The following HSF2BP variants were observed in gnomAD, a reference collection of about 807,000 sequenced individuals.
HSF2BP encodes the protein heat shock transcription factor 2 binding protein.
HSF2BP carries 35 observed loss-of-function variants against 35.0 expected under a neutral mutation model. The ratio of observed to expected loss-of-function variants is 1.00; its 90% CI spans 0.76 to 1.32. The LOEUF is 1.32. Among genes scored for constraint, HSF2BP ranks in the 40% most tolerant of loss-of-function variants. HSF2BP has a pLI of 0.00. For synonymous variants in HSF2BP, 114 were observed against 117.4 expected, an observed-to-expected ratio of 0.97 and a Z score of 0.18; for missense variants, 326 against 321.7, an observed-to-expected ratio of 1.01 and a Z score of -0.10.
chr21:43,636,187 T>A, intron 4 of HSF2BP, among the ~76,000 whole-genome samples: 1 of 113,902 alleles, frequency 8.8e-6, no homozygotes, highest in African/African-American at 3.4e-5. Flanking sequence ...AGACACCATC[T>A]CAAGAAAGAA....
intron 7 of HSF2BP, among the ~76,000 whole-genome samples, chr21:43,594,673 A>C (rs2081963963): frequency 6.6e-6 from 1 of 152,080 alleles, no homozygotes; most frequent in Admixed American, 6.5e-5. Flanking sequence ...AGGAACGAAA[A>C]GAGAAGAAGG....
At chr21:43,611,393 C>T (rs1194797137) in intron 7 of HSF2BP, among the ~76,000 whole-genome samples, 4 of 152,194 alleles carry the variant, frequency 2.6e-5, no homozygotes, top group Admixed American at 2.6e-4. Context: ...CTCGCTTCCA[C>T]TGAATGCAGC....
chr21:43,642,102 A>C (rs1272139111), intron 4 of HSF2BP, among the ~76,000 whole-genome samples: 1 of 152,106 alleles, frequency 6.6e-6, no homozygotes, highest in Non-Finnish European at 1.5e-5. Flanking sequence ...TTGAAGACCA[A>C]CTTGGGCAAC....
rs539891971 is a variant in HSF2BP at position 43,619,089 on chromosome 21, A to G, written c.575-5142T>C. Among the ~76,000 whole-genome samples, 684 of 152,274 alleles carry G rather than the reference A, an allele frequency of 4.5e-3. 4 individuals are homozygous for G. The highest frequency in any genetic ancestry group is 6.7e-3 in the Non-Finnish European group (453 of 68,020). On this transcript the variant is annotated intron_variant, in intron 6 of 8. Transcript: ENST00000291560. ...CAACCTCCTGAGTAGCTGGGACTACAGGCCTGCACCGCCACACCCAGCTAA... is the reference window on the plus strand; with the variant it reads ...CAACCTCCTGAGTAGCTGGGACTACGGGCCTGCACCGCCACACCCAGCTAA...
At position 43,653,562 on chromosome 21, in the gene HSF2BP, A is replaced by G. The variant is rs180887736; in HGVS notation, c.187+3025T>C. Reference sequence around the variant, plus strand: ...CTGAGCCGGGGCTGTGCCCAATAATATAAAGCCTTTTAAGCCGTAGTATGG... The same window carrying G: ...CTGAGCCGGGGCTGTGCCCAATAATGTAAAGCCTTTTAAGCCGTAGTATGG... On this transcript the variant is annotated intron_variant, in intron 3 of 8. Coordinates refer to ENST00000291560, the MANE Select transcript of HSF2BP (RefSeq NM_007031.2). Among the ~76,000 whole-genome samples the G allele has an allele frequency of 2.7e-3, 412 of 152,380 alleles. 3 individuals are homozygous for G. The highest frequency in any genetic ancestry group is 3.3e-3 in the Non-Finnish European group (222 of 68,036).
chr21:43,574,250 GC>G (rs1464613042), intron 8 of HSF2BP, among the ~76,000 whole-genome samples: 11 of 152,318 alleles, frequency 7.2e-5, no homozygotes, highest in African/African-American at 2.6e-4. Flanking sequence ...TCAGTCAGTT[GC>G]CATGCACTGG....
chr21:43,650,246 G>A (rs774864594), intron 3 of HSF2BP, among the ~76,000 whole-genome samples: 12 of 151,728 alleles, frequency 7.9e-5, no homozygotes, highest in South Asian at 4.2e-4. Flanking sequence ...TCGCTCTGTC[G>A]CCCGGGCTGG....
chr21:43,467,846 T>C, the HSF2BP span, among the ~76,000 whole-genome samples: 542 of 22,476 alleles, frequency 0.024, no homozygotes, highest in Non-Finnish European at 0.029. Flanking sequence ...ACACACCACA[T>C]ACACACCACA....
At chr21:43,636,013 C>T (rs1388558766) in intron 4 of HSF2BP, among the ~76,000 whole-genome samples, 2 of 144,930 alleles carry the variant, frequency 1.4e-5, no homozygotes, top group African/African-American at 2.6e-5. Context: ...GGATCGAGAC[C>T]ATCCTGGGCA....
At chr21:43,581,822 C>CGGGAGATGAGGACCTGCTGA (rs2081737314) in intron 8 of HSF2BP, among the ~76,000 whole-genome samples, 2 of 133,200 alleles carry the variant, frequency 1.5e-5, no homozygotes, top group African/African-American at 5.7e-5. Context: ...GTCTGTGCTG[C>CGGGAGATGAGGACCTGCTGA]GGGAGATGAG....
At chr21:43,599,721 G>A (rs1178329138) in intron 7 of HSF2BP, among the ~76,000 whole-genome samples, 1 of 152,038 alleles carries the variant, frequency 6.6e-6, no homozygotes, top group South Asian at 2.1e-4. Flanking sequence ...TTGAACCCGG[G>A]AGGCAGAGGT....
intron 8 of HSF2BP, among the ~76,000 whole-genome samples, chr21:43,586,977 T>C (rs2081859249): frequency 1.3e-5 from 2 of 152,134 alleles, no homozygotes; most frequent in Non-Finnish European, 2.9e-5. Context: ...ATAAACTAGA[T>C]CTACCTAAAA....
intron 7 of HSF2BP, among the ~76,000 whole-genome samples, chr21:43,604,377 CCA>C (rs1330940058): frequency 1.2e-4 from 16 of 139,004 alleles, no homozygotes; most frequent in East Asian, 2.2e-4. Context: ...AGCACGCACA[CCA>C]CACACACACC....
At chr21:43,592,039 G>A (rs946891555) in intron 8 of HSF2BP, among the ~76,000 whole-genome samples, 186 bp downstream of exon 8, 11 of 152,124 alleles carry the variant, frequency 7.2e-5, no homozygotes, top group Non-Finnish European at 1.5e-4. Flanking sequence ...TAACCTCTAT[G>A]CCTAATTATA....
At chr21:43,571,759 C>G (rs1210196998) in intron 8 of HSF2BP, among the ~76,000 whole-genome samples, 1 of 118,594 alleles carries the variant, frequency 8.4e-6, no homozygotes, top group Non-Finnish European at 1.7e-5. Flanking sequence ...CCCAACAAGG[C>G]AATGTGAGGA....
chr21:43,581,632 A>G (rs925578764), intron 8 of HSF2BP, among the ~76,000 whole-genome samples: 1 of 152,176 alleles, frequency 6.6e-6, no homozygotes, highest in Non-Finnish European at 1.5e-5. Flanking sequence ...AGTCACATCC[A>G]ATAGTTTCAC....
chr21:43,572,925 C>A (rs2081594470), intron 8 of HSF2BP, among the ~76,000 whole-genome samples: 1 of 152,168 alleles, frequency 6.6e-6, no homozygotes, highest in Admixed American at 6.5e-5. Flanking sequence ...TAAACAATGA[C>A]AAAACACACT....
intron 4 of HSF2BP, among the ~76,000 whole-genome samples, chr21:43,633,635 A>G (rs2147025739): frequency 6.6e-6 from 1 of 152,372 alleles, no homozygotes; most frequent in African/African-American, 2.4e-5. Context: ...TGAGGAAAGA[A>G]CATACTACCA....
intron 3 of HSF2BP, among the ~76,000 whole-genome samples, chr21:43,653,260 A>G (rs1210406870): frequency 7.7e-5 from 11 of 142,076 alleles, no homozygotes; most frequent in African/African-American, 2.9e-4. Flanking sequence ...GAGGGGAGGG[A>G]AGGGAAGGGA....
Sources: allele counts gnomAD v4.1 joint callset (sites outside exome capture counted in the v4.1 genomes callset), GRCh38; gene constraint gnomAD v4.1.1; transcripts MANE v1.5; gene names NCBI Gene and HGNC (gene_info 2026-07-23, HGNC 2026-07-21).